Variants in SEC62 observed in about 807,000 individuals in gnomAD.
The protein encoded by SEC62 is translocation protein SEC62.
SEC62 carries 10 observed loss-of-function variants against 47.5 expected under a neutral mutation model. The ratio of observed to expected loss-of-function variants is 0.21; its 90% CI spans 0.13 to 0.36. SEC62 has a LOEUF of 0.36. Ranked by LOEUF, SEC62 falls within the 10% of genes least tolerant of loss-of-function variation. SEC62 has a pLI of 1.00. For missense variants in SEC62, 327 were observed against 464.1 expected, an observed-to-expected ratio of 0.70 and a Z score of 2.71; for synonymous variants, 136 against 150.5, an observed-to-expected ratio of 0.90 and a Z score of 0.71.
chr3:169,967,322 T>C (rs1203651230), intron 1 of SEC62, among the ~76,000 whole-genome samples: 1 of 152,198 alleles, frequency 6.6e-6, no homozygotes, highest in African/African-American at 2.4e-5. Flanking sequence ...CTAAAGCAGC[T>C]GGTTCTTTGT....
chr3:169,988,045 G>A (rs1396546958), intron 6 of SEC62, among the ~76,000 whole-genome samples, 195 bp from the exon 7 acceptor site: 1 of 152,070 alleles, frequency 6.6e-6, no homozygotes, highest in Non-Finnish European at 1.5e-5. Context: ...ACTAGTTTAA[G>A]AATAGTATAA....
rs1445760082 is a variant in SEC62 at position 169,997,467 on chromosome 3, T to C, written c.*4404T>C. 1 of 149,380 alleles carries C rather than the reference T, an allele frequency of 6.7e-6. No homozygotes were observed. Among genetic ancestry groups the C allele is most frequent in the Non-Finnish European group, 1.5e-5 (1 of 68,080 alleles). The allele number at this position is 149,380 out of a possible 1,614,324, so 9.3% of individuals were successfully genotyped here. ...ACTCCTCAGAATAATGGGTTTTTTTTGTTTGTTTGTTTGTTTGAGATGGAG... is the reference window on the plus strand; with the variant it reads ...ACTCCTCAGAATAATGGGTTTTTTTCGTTTGTTTGTTTGTTTGAGATGGAG... On this transcript the variant is annotated 3_prime_UTR_variant, in exon 8 of 8. Transcript: ENST00000337002.
At chr3:169,980,699 G>A (rs12054201) in intron 3 of SEC62, among the ~76,000 whole-genome samples, 28,480 of 152,078 alleles carry the variant, frequency 0.19, 2,714 homozygotes, top group South Asian at 0.23. Context: ...AAGAAAATGG[G>A]AACTGTTGCA....
intron 3 of SEC62, among the ~76,000 whole-genome samples, chr3:169,979,087 A>G (rs1714911273): frequency 6.6e-6 from 1 of 152,150 alleles, no homozygotes; most frequent in Admixed American, 6.5e-5. Flanking sequence ...AGCTCAAAAG[A>G]CCTGAGTACA....
At chr3:169,984,711 A>G (rs1384753644) in intron 5 of SEC62, among the ~76,000 whole-genome samples, 2 of 152,230 alleles carry the variant, frequency 1.3e-5, no homozygotes, top group Non-Finnish European at 2.9e-5. Context: ...CTGATTCCCA[A>G]GGAAATGGGC....
chr3:169,985,209 T>C (rs1445783054), intron 5 of SEC62: 1 of 152,192 alleles, frequency 6.6e-6, no homozygotes, highest in Non-Finnish European at 1.5e-5. Flanking sequence ...TGCTGGTGTT[T>C]TGGTTGAATA....
At position 169,997,464 on chromosome 3, in the gene SEC62, T is replaced by TTTG. The variant is rs1715408021; in HGVS notation, c.*4403_*4404insGTT. ...TGGACTCCTCAGAATAATGGGTTTT[T>TTTG]TTTGTTTGTTTGTTTGTTTGAGATG... On this transcript the variant is annotated 3_prime_UTR_variant, in exon 8 of 8. Transcript: ENST00000337002. The TTTG allele has an allele frequency of 6.6e-6, 1 of 152,182 alleles. No individual in the cohort carries two copies. Among genetic ancestry groups the TTTG allele is most frequent in the African/African-American group, 2.4e-5 (1 of 41,398 alleles). 9.4% of individuals were successfully genotyped at this position (152,182 alleles called of 1,614,324 possible). A position where few individuals can be genotyped will look rare whatever the true frequency, so the allele number is the denominator to read the frequency against.
intron 1 of SEC62, 103 bp from the exon 2 acceptor site, chr3:169,975,505 T>C: frequency 1.4e-6 from 1 of 735,342 alleles, no homozygotes; most frequent in Non-Finnish European, 2.3e-6. Flanking sequence ...GCAAGGCCTG[T>C]ACTCCACTTG....
In SEC62 at chr3:169,982,868, A is replaced by T; in HGVS notation, c.413A>T (p.Glu138Val). 6.4e-7 allele frequency: 1 copy of T among 1,563,420 alleles called. No individual in the cohort carries two copies. The highest frequency in any genetic ancestry group is 8.6e-7 in the Non-Finnish European group (1 of 1,164,774). The change falls in exon 4 of 8, where the codon GAA (glutamate) becomes GTA (valine). Residue 138 changes from glutamate to valine, a missense_variant. Glu to Val is a moderately radical substitution (Grantham distance 121). Transcript: ENST00000337002. ...ENIKDEKTKK[E>V]KEKKKDGEKE... The stretch of plus-strand genomic sequence containing the variant: ...ATAAAGGATGAGAAGACAAAAAAAG[A>T]AAAAGAGAAAAAAAAAGATGGTGAA...
At chr3:169,986,289 A>T (rs571316251) in intron 6 of SEC62, among the ~76,000 whole-genome samples, 1 of 152,332 alleles carries the variant, frequency 6.6e-6, no homozygotes, top group African/African-American at 2.4e-5. Context: ...GTATCTTTGA[A>T]ATTTTATGTG....
intron 7 of SEC62, among the ~76,000 whole-genome samples, chr3:169,988,631 A>C (rs940947886): frequency 4.2e-4 from 64 of 152,234 alleles, no homozygotes; most frequent in African/African-American, 1.5e-3. Context: ...GTACAATGTG[A>C]TGTTTTGGTG....
chr3:169,975,501 C>A, intron 1 of SEC62, 107 bp from the exon 2 acceptor site: 1 of 698,878 alleles, frequency 1.4e-6, no homozygotes, highest in Non-Finnish European at 2.4e-6. Flanking sequence ...GAAAGCAAGG[C>A]CTGTACTCCA....
chr3:169,988,814 C>A (rs1715166729), intron 7 of SEC62, among the ~76,000 whole-genome samples: 1 of 152,076 alleles, frequency 6.6e-6, no homozygotes, highest in Admixed American at 6.6e-5. Context: ...TTAGTTATGG[C>A]AGAGGCGTTT....
intron 7 of SEC62, among the ~76,000 whole-genome samples, chr3:169,991,097 C>A (rs1432742221): frequency 6.6e-6 from 1 of 152,162 alleles, no homozygotes; most frequent in Non-Finnish European, 1.5e-5. Flanking sequence ...CTCATTACTA[C>A]AAATTTTAAA....
intron 2 of SEC62, 31 bp from the exon 3 acceptor site, chr3:169,976,915 C>A: frequency 6.7e-7 from 1 of 1,483,908 alleles, no homozygotes; most frequent in Non-Finnish European, 9.3e-7. Flanking sequence ...CCCATGTATG[C>A]TAAATTTAAA....
Position 169,992,826 on chromosome 3 carries a change from G to A in SEC62, c.963G>A (p.Glu321=), listed in dbSNP as rs34352823. The A allele has an allele frequency of 8.1e-6, 13 of 1,614,042 alleles. No homozygotes were observed. The highest frequency in any genetic ancestry group is 1.0e-5 in the Non-Finnish European group (12 of 1,180,008). The change falls in exon 8 of 8, where the codon GAG becomes GAA. Residue 321 remains glutamate (E), a synonymous_variant. Transcript: ENST00000337002. This position sits in a 1 kb window ranked among gnomAD's most constrained non-coding sequence, Gnocchi z 4.0. ...EKSDSEKKED[E]EGKVGPGNHG... ...CAGACAGTGAGAAAAAGGAAGATGA[G>A]GAGGGGAAAGTAGGACCAGGAAATC...
Position 169,975,640 on chromosome 3 carries a change from T to C in SEC62, c.69T>C (p.Ala23=). Residue 23 remains alanine, a synonymous_variant, in exon 2 of 8, where the codon GCT becomes GCC. Coordinates refer to ENST00000337002, the MANE Select transcript of SEC62 (RefSeq NM_003262.4). ...EVGEPSKEEK[A]VAKYLRFNCP... ...GTGAACCATCTAAAGAAGAGAAGGC[T>C]GTGGCCAAGTATCTTCGATTCAACT... The C allele has an allele frequency of 1.9e-6, 3 of 1,613,720 alleles. No individual in the cohort carries two copies. The highest frequency in any genetic ancestry group is 2.5e-6 in the Non-Finnish European group (3 of 1,179,688).
intron 3 of SEC62, chr3:169,978,620 G>A (rs766194944): frequency 3.3e-5 from 5 of 152,066 alleles, no homozygotes; most frequent in Non-Finnish European, 5.9e-5. Context: ...CAGCAACTTG[G>A]GTGACTGAGA....
intron 7 of SEC62, among the ~76,000 whole-genome samples, chr3:169,990,549 G>C (rs1446288145): frequency 1.3e-5 from 2 of 151,916 alleles, no homozygotes; most frequent in African/African-American, 4.8e-5. Flanking sequence ...AATTAGGTTA[G>C]TGCCATTTCT....
Sources: allele counts gnomAD v4.1 joint callset (sites outside exome capture counted in the v4.1 genomes callset), GRCh38; gene constraint gnomAD v4.1.1; non-coding constraint Gnocchi (gnomAD v3.1); transcripts MANE v1.5; gene names NCBI Gene and HGNC (gene_info 2026-07-23, HGNC 2026-07-21).